IVD: variants seen among roughly 807,000 people sequenced by gnomAD.
IVD encodes the protein isovaleryl-CoA dehydrogenase, also known as isovaleryl-CoA dehydrogenase, mitochondrial.
IVD carries 31 observed loss-of-function variants against 51.3 expected under a neutral mutation model. That is an observed-to-expected ratio of 0.60 (90% CI 0.45 to 0.81). The LOEUF (loss-of-function observed/expected upper bound fraction) is 0.81. IVD is among the 40% of genes least tolerant of loss of function. The probability of loss-of-function intolerance (pLI) is 0.00; values close to 1 mark genes in which losing one functional copy is unlikely to be tolerated. For missense variants in IVD, 475 were observed against 552.0 expected (o/e 0.86, Z 1.40); for synonymous variants, 205 against 219.4 (o/e 0.93, Z 0.58).
At chr15:40,427,058 T>C (rs144576588), downstream of IVD, among the ~76,000 whole-genome samples, 5 of 152,262 alleles carry the variant, frequency 3.3e-5, no homozygotes, top group East Asian at 9.6e-4. Context: ...AAGTGGGAAT[T>C]TTCTTGAAGA....
intron 1 of IVD, chr15:40,406,419 G>A: frequency 4.5e-6 from 5 of 1,109,436 alleles, no homozygotes; most frequent in Non-Finnish European, 6.1e-6. Flanking sequence ...CAGTTTGGGG[G>A]TTTTAAAAAG....
downstream of IVD, among the ~76,000 whole-genome samples, chr15:40,421,745 A>C (rs1379190083): frequency 6.6e-6 from 1 of 152,186 alleles, no homozygotes; most frequent in Non-Finnish European, 1.5e-5. Context: ...TAGTGATAAC[A>C]ATCCCTTGCC....
intron 8 of IVD, 169 bp from the exon 9 acceptor site, chr15:40,415,232 G>C (rs996565961): frequency 8.1e-6 from 6 of 743,142 alleles, no homozygotes; most frequent in African/African-American, 3.5e-5. Flanking sequence ...ACGACACCTG[G>C]GCTGTCACGC....
In IVD at chr15:40,406,029, G is replaced by A; in HGVS notation, c.144+58G>A. ...GCCTCCTTCCTGCCTGGTCCCCAAGGCCTCCTTCCTGCCTGGTCCCCATCG... is the reference window on the plus strand; with the variant it reads ...GCCTCCTTCCTGCCTGGTCCCCAAGACCTCCTTCCTGCCTGGTCCCCATCG... On this transcript the variant is annotated intron_variant, in intron 1 of 11. Transcript: ENST00000487418. The A allele has an allele frequency of 7.1e-6, 11 of 1,553,058 alleles. No individual in the cohort carries two copies. In the South Asian group the frequency reaches 1.3e-4, roughly 18 times the overall value.
chr15:40,419,291 A>C lies in IVD; in HGVS notation c.*1028A>C. On this transcript the variant is annotated 3_prime_UTR_variant, in exon 12 of 12. Coordinates refer to ENST00000487418, the MANE Select transcript of IVD (RefSeq NM_002225.5). Reference sequence around the variant, plus strand: ...TTTGGGAGGCCAAGGCAGGTGGATCACTTGCAGTCAGGAGTTCAAGACCAG... The same window carrying C: ...TTTGGGAGGCCAAGGCAGGTGGATCCCTTGCAGTCAGGAGTTCAAGACCAG... 1 of 1,203,146 alleles carries C rather than the reference A, an allele frequency of 8.3e-7. No individual in the cohort carries two copies. Among genetic ancestry groups the C allele is most frequent in the Non-Finnish European group, 1.1e-6 (1 of 911,530 alleles). The allele number at this position is 1,203,146 out of a possible 1,614,324, so 74.5% of individuals were successfully genotyped here.
chr15:40,417,219 A>G (rs1788041775), intron 11 of IVD, among the ~76,000 whole-genome samples: 1 of 144,162 alleles, frequency 6.9e-6, no homozygotes. Flanking sequence ...AAAAAAAAAA[A>G]AAAAAAGGCC....
At chr15:40,416,635 T>G (rs1313066351) in intron 11 of IVD, among the ~76,000 whole-genome samples, 3 of 152,100 alleles carry the variant, frequency 2.0e-5, no homozygotes, top group South Asian at 2.1e-4. Flanking sequence ...AGGCAGAGGT[T>G]GCAGTGAACA....
At position 40,418,550 on chromosome 15, in the gene IVD, C is replaced by T. The variant is rs565064447; in HGVS notation, c.*287C>T. ...GTTTTGGTGACTCTGTGCCCTTGCT[C>T]TCTAACTTCTGAGCCCACCTCCCAG... On this transcript the variant is annotated 3_prime_UTR_variant, in exon 12 of 12. Transcript: ENST00000487418. 2.7e-4 allele frequency: 337 copies of T among 1,233,566 alleles called. 1 individual carries two copies. The highest frequency in any genetic ancestry group is 4.9e-4 in the Admixed American group (14 of 28,558). 76.4% of individuals were successfully genotyped at this position (1,233,566 alleles called of 1,614,324 possible).
Position 40,418,874 on chromosome 15 carries a change from T to G in IVD, c.*611T>G, listed in dbSNP as rs886051130. ...CTAGCCAGGCGTGGTGGCTCATGCT[T>G]GTAATCCCAGCACTTCAGGAGGCTG... On this transcript the variant is annotated 3_prime_UTR_variant, in exon 12 of 12. Coordinates refer to ENST00000487418, the MANE Select transcript of IVD (RefSeq NM_002225.5). The G allele has an allele frequency of 5.9e-5, 41 of 694,968 alleles. No homozygotes were observed. In the East Asian group the frequency reaches 2.4e-3, roughly 40 times the overall value. 43.1% of individuals were successfully genotyped at this position (694,968 alleles called of 1,614,324 possible). A position where few individuals can be genotyped will look rare whatever the true frequency, so the allele number is the denominator to read the frequency against.
intron 7 of IVD, among the ~76,000 whole-genome samples, chr15:40,431,144 C>CT (rs1189453905): frequency 5.1e-5 from 7 of 136,690 alleles, no homozygotes; most frequent in Non-Finnish European, 8.1e-5. Context: ...TTTTTTTTGT[C>CT]TTTTTTTTTC....
At chr15:40,424,349 C>T, downstream of IVD, 2 of 403,424 alleles carry the variant, frequency 5.0e-6, no homozygotes, top group Non-Finnish European at 8.5e-6. Flanking sequence ...GTTTCTCATC[C>T]CTGTGCCTTT....
At chr15:40,407,839 G>T in intron 2 of IVD, 100 bp from the exon 3 acceptor site, 2 of 1,451,706 alleles carry the variant, frequency 1.4e-6, no homozygotes, top group South Asian at 1.1e-5. Flanking sequence ...TAAGAATGCA[G>T]CCCCTCTCTC....
chr15:40,413,175 TAGAG>T, intron 7 of IVD, 88 bp downstream of exon 7: 1 of 1,060,954 alleles, frequency 9.4e-7, no homozygotes, highest in African/African-American at 1.6e-5. Flanking sequence ...GCCTCTGGGT[TAGAG>T]AGGCTTGGCA....
chr15:40,410,313 G>A (rs1890927280), intron 3 of IVD, among the ~76,000 whole-genome samples: 1 of 152,184 alleles, frequency 6.6e-6, no homozygotes, highest in Non-Finnish European at 1.5e-5. Context: ...ATCTGCCTCT[G>A]CATTTCTGTA....
chr15:40,415,609 G>A, intron 9 of IVD, 127 bp downstream of exon 9: 1 of 804,786 alleles, frequency 1.2e-6, no homozygotes. Flanking sequence ...TTGACTGCTT[G>A]GAATGCAGTC....
intron 11 of IVD, 144 bp from the exon 12 acceptor site, chr15:40,417,985 CA>C: frequency 8.7e-7 from 1 of 1,153,548 alleles, no homozygotes; most frequent in Non-Finnish European, 1.2e-6. Flanking sequence ...GTGTATTCCC[CA>C]CACCCCTCCC....
downstream of IVD, among the ~76,000 whole-genome samples, chr15:40,425,613 T>C (rs1450996399): frequency 6.6e-6 from 1 of 152,080 alleles, no homozygotes; most frequent in Non-Finnish European, 1.5e-5. Context: ...CTCAACCTTT[T>C]GGGCTCAAGC....
intron 3 of IVD, among the ~76,000 whole-genome samples, chr15:40,409,021 C>T (rs1398735469): frequency 6.6e-6 from 1 of 152,064 alleles, no homozygotes; most frequent in East Asian, 1.9e-4. Flanking sequence ...ACCCAATATA[C>T]TTCTCCTTAC....
chr15:40,427,488 G>A (rs989209057), downstream of IVD, among the ~76,000 whole-genome samples: 15 of 152,240 alleles, frequency 9.9e-5, no homozygotes, highest in Admixed American at 6.5e-5. Flanking sequence ...TTCCCAAGAG[G>A]CAACCTCTAC....
Sources: allele counts gnomAD v4.1 joint callset (sites outside exome capture counted in the v4.1 genomes callset), GRCh38; gene constraint gnomAD v4.1.1; transcripts MANE v1.5; gene names NCBI Gene and HGNC (gene_info 2026-07-23, HGNC 2026-07-21).